USP33: variants seen among roughly 807,000 people sequenced by gnomAD.
USP33 encodes the protein ubiquitin specific peptidase 33.
Under a neutral mutation model 124.2 loss-of-function variants are expected in USP33, and 46 were observed. The ratio of observed to expected loss-of-function variants is 0.37; its 90% confidence interval spans 0.29 to 0.47. USP33 has a LOEUF of 0.47. Ranked by LOEUF, USP33 falls within the 20% of genes least tolerant of loss-of-function variation. The pLI is 0.99. For missense variants in USP33, 851 were observed against 1,070.6 expected, an observed-to-expected ratio of 0.79 and a Z score of 2.86; for synonymous variants, 350 against 352.3, an observed-to-expected ratio of 0.99 and a Z score of 0.07.
rs1228036232 is a variant in USP33 at position 77,714,714 on chromosome 1, G to A, written c.2115C>T (p.Ser705=). Residue 705 remains serine, a synonymous_variant, in exon 19 of 24, where the codon AGC becomes AGT. Coordinates refer to ENST00000370794, the MANE Select transcript of USP33 (RefSeq NM_201624.3). Reference sequence around the variant, plus strand: ...GTCGAGAAATATAAAACTGAAGGAGGCTTGGTTCCATTATGTTCAATAAAT... The same window carrying A: ...GTCGAGAAATATAAAACTGAAGGAGACTTGGTTCCATTATGTTCAATAAAT... ...ISNLLNIMEP[S]LLQFYISRQW... The A allele has an allele frequency of 1.9e-6, 3 of 1,612,812 alleles. No homozygotes were observed. Among genetic ancestry groups the A allele is most frequent in the Non-Finnish European group, 2.5e-6 (3 of 1,179,900 alleles).
intron 1 of USP33, chr1:77,746,312 C>T (rs562842248): frequency 2.6e-5 from 4 of 152,326 alleles, no homozygotes; most frequent in East Asian, 3.9e-4. Context: ...GACACATACA[C>T]CCTCCCAAGA....
intron 14 of USP33, 68 bp from the exon 15 acceptor site, chr1:77,721,273 T>G: frequency 6.3e-7 from 1 of 1,577,320 alleles, no homozygotes. Flanking sequence ...GTCCTGTAAT[T>G]ATTTGATTTT....
chr1:77,697,773 TA>T, intron 23 of USP33, 89 bp downstream of exon 23: 3 of 1,297,384 alleles, frequency 2.3e-6, no homozygotes, highest in Non-Finnish European at 3.2e-6. Flanking sequence ...TTCAGTTGAA[TA>T]AAAAAGTACT....
rs945932920 is a variant in USP33 at position 77,730,527 on chromosome 1, T to C, written c.638+91A>G. ...CTAATCTATCTCTCTTCTACTTTTT[T>C]CCGGCTCCATAAATGGACCTGCAAC... On this transcript the variant is annotated intron_variant, in intron 8 of 23. Coordinates refer to ENST00000370794, the MANE Select transcript of USP33 (RefSeq NM_201624.3). 5 of 955,644 alleles carry C rather than the reference T, an allele frequency of 5.2e-6. No individual in the cohort carries two copies. In the Admixed American group the frequency reaches 1.4e-4, roughly 27 times the overall value. The allele number at this position is 955,644 out of a possible 1,614,324, so 59.2% of individuals were successfully genotyped here.
intron 1 of USP33, among the ~76,000 whole-genome samples, chr1:77,749,148 C>A (rs1680044772): frequency 6.6e-6 from 1 of 152,162 alleles, no homozygotes; most frequent in Non-Finnish European, 1.5e-5. Flanking sequence ...GCAAAAGATT[C>A]CATTAATGTC....
intron 22 of USP33, among the ~76,000 whole-genome samples, chr1:77,699,828 G>A (rs934357543): frequency 2.0e-5 from 3 of 152,202 alleles, no homozygotes; most frequent in Admixed American, 2.0e-4. Context: ...TAAAGAAAAT[G>A]TGGTAAATAT....
At chr1:77,721,380 C>T (rs575172042) in intron 14 of USP33, 175 bp from the exon 15 acceptor site, 1 of 634,844 alleles carries the variant, frequency 1.6e-6, no homozygotes, top group East Asian at 2.8e-5. Context: ...TCCCTTAACT[C>T]CTGCCAACAT....
chr1:77,726,208 C>G (rs1224674703), intron 10 of USP33, among the ~76,000 whole-genome samples: 2 of 152,128 alleles, frequency 1.3e-5, no homozygotes, highest in Non-Finnish European at 2.9e-5. Context: ...CTTTGGCCTC[C>G]CAAAGTGTTG....
intron 1 of USP33, among the ~76,000 whole-genome samples, chr1:77,749,422 C>A (rs536891232): frequency 3.3e-5 from 5 of 151,588 alleles, no homozygotes; most frequent in African/African-American, 1.2e-4. Flanking sequence ...CGCTCTGCTG[C>A]CCAGGCTGGA....
At chr1:77,730,034 A>G (rs1000850127) in intron 8 of USP33, 96 bp from the exon 9 acceptor site, 6 of 1,168,794 alleles carry the variant, frequency 5.1e-6, no homozygotes, top group Non-Finnish European at 4.9e-6. Flanking sequence ...AAATAAATTG[A>G]AAAGTATGTT....
intron 21 of USP33, among the ~76,000 whole-genome samples, chr1:77,703,327 T>G (rs1372205995): frequency 6.6e-6 from 1 of 152,190 alleles, no homozygotes; most frequent in African/African-American, 2.4e-5. Context: ...TTGACCACCC[T>G]GTTTAAAACT....
At chr1:77,722,003 A>G (rs1210033322) in intron 13 of USP33, 21 bp downstream of exon 13, 2 of 1,608,126 alleles carry the variant, frequency 1.2e-6, no homozygotes, top group Non-Finnish European at 1.7e-6. Flanking sequence ...ATCATGTAAT[A>G]CAAAGAAAAT....
At chr1:77,728,734 G>T (rs780323813) in intron 9 of USP33, 22 bp from the exon 10 acceptor site, 9 of 1,597,986 alleles carry the variant, frequency 5.6e-6, no homozygotes, top group Non-Finnish European at 7.7e-6. Context: ...GCAACATAAT[G>T]TTAACCACTT....
intron 7 of USP33, among the ~76,000 whole-genome samples, chr1:77,733,015 G>A (rs1246312637): frequency 6.6e-6 from 1 of 151,356 alleles, no homozygotes; most frequent in African/African-American, 2.4e-5. Context: ...GGCTGGTCTC[G>A]AACTCCTGAC....
intron 1 of USP33, among the ~76,000 whole-genome samples, chr1:77,756,754 C>T (rs1311124999): frequency 6.6e-6 from 1 of 152,220 alleles, no homozygotes; most frequent in Non-Finnish European, 1.5e-5. Context: ...TGCTTCCTCA[C>T]TTGTGCTTTA....
At chr1:77,737,428 T>C (rs2101530313) in intron 5 of USP33, among the ~76,000 whole-genome samples, 1 of 152,332 alleles carries the variant, frequency 6.6e-6, no homozygotes. Flanking sequence ...GAGGCTTAAA[T>C]CACCTGAAAT....
At chr1:77,731,420 C>T (rs772164697) in intron 7 of USP33, among the ~76,000 whole-genome samples, 1 of 152,144 alleles carries the variant, frequency 6.6e-6, no homozygotes, top group Non-Finnish European at 1.5e-5. Context: ...GAGGGAATCT[C>T]CATAAATCTA....
intron 21 of USP33, chr1:77,701,728 G>A (rs963905781): frequency 3.4e-6 from 1 of 296,400 alleles, no homozygotes; most frequent in Non-Finnish European, 6.1e-6. Flanking sequence ...GGAGTGCAAT[G>A]GCACGATCTG....
At chr1:77,704,782 G>C (rs1486091302) in intron 21 of USP33, among the ~76,000 whole-genome samples, 1 of 152,106 alleles carries the variant, frequency 6.6e-6, no homozygotes, top group Non-Finnish European at 1.5e-5. Context: ...CATCTATTGA[G>C]GTTTTGTTTT....
Sources: gnomAD v4.1 joint callset for allele counts (sites outside exome capture counted in the v4.1 genomes callset) on GRCh38, gnomAD v4.1.1 for gene constraint, MANE v1.5 for transcripts, NCBI Gene and HGNC (gene_info 2026-07-23, HGNC 2026-07-21) for gene names.